Variants in CYB5R4 observed in about 807,000 individuals in gnomAD.
CYB5R4 encodes the protein N-terminal cytochrome b5 and cytochrome b5 oxidoreductase domain-containing protein.
CYB5R4 carries 55 observed loss-of-function variants against 70.2 expected under a neutral mutation model. That is an observed-to-expected ratio of 0.78 (90% CI 0.63 to 0.98). The LOEUF (loss-of-function observed/expected upper bound fraction) is 0.98. Among genes scored for constraint, CYB5R4 ranks in the 50% least tolerant of loss-of-function variants. The pLI is 0.00. For synonymous variants in CYB5R4, 197 were observed against 199.5 expected (o/e 0.99, Z 0.11); for missense variants, 562 against 612.6 (o/e 0.92, Z 0.87).
At chr6:83,869,661 T>C (rs931503922) in intron 2 of CYB5R4, among the ~76,000 whole-genome samples, 4 of 152,122 alleles carry the variant, frequency 2.6e-5, no homozygotes, top group African/African-American at 9.7e-5. Flanking sequence ...AAACTCCAGC[T>C]CTACTAAAAA....
intron 5 of CYB5R4, among the ~76,000 whole-genome samples, chr6:83,915,225 C>T (rs999858757): frequency 6.6e-6 from 1 of 152,184 alleles, no homozygotes; most frequent in African/African-American, 2.4e-5. Context: ...ACATAAAATG[C>T]ATGGTGCTAA....
chr6:83,949,106 G>A (rs1047938230), intron 14 of CYB5R4, among the ~76,000 whole-genome samples: 42 of 146,098 alleles, frequency 2.9e-4, no homozygotes, highest in South Asian at 4.3e-4. Flanking sequence ...GACTCCTGGC[G>A]TTTTGGGCTT....
At position 83,859,772 on chromosome 6, in the gene CYB5R4, G is replaced by T; in HGVS notation, c.-11G>T. 2 of 1,612,642 alleles carry T rather than the reference G, an allele frequency of 1.2e-6. No individual in the cohort carries two copies. The highest frequency in any genetic ancestry group is 1.7e-6 in the Non-Finnish European group (2 of 1,179,552). ...CGATCCCCGGGCAGGGCCCGGGGCCGGGGTTTGAAGATGCTGAACGTCCCT... is the reference window on the plus strand; with the variant it reads ...CGATCCCCGGGCAGGGCCCGGGGCCTGGGTTTGAAGATGCTGAACGTCCCT... On this transcript the variant is annotated 5_prime_UTR_variant, in exon 1 of 16. Transcript: ENST00000369681.
Position 83,910,166 on chromosome 6 carries a change from A to C in CYB5R4, c.412+1076A>C, listed in dbSNP as rs954495336. 8.8e-6 allele frequency: 14 copies of C among 1,587,338 alleles called. No individual in the cohort carries two copies. The East Asian group carries it at 3.2e-4, about 36-fold the overall frequency. On this transcript the variant is annotated intron_variant, in intron 4 of 15. Transcript: ENST00000369681. Reference sequence around the variant, plus strand: ...CAAAGATTTCTTTTACTGTCACAGCACTGTGAGCAAGGACAAGACATCTAT... The same window carrying C: ...CAAAGATTTCTTTTACTGTCACAGCCCTGTGAGCAAGGACAAGACATCTAT...
chr6:83,890,714 A>G (rs1177045040), intron 2 of CYB5R4, among the ~76,000 whole-genome samples: 1 of 152,146 alleles, frequency 6.6e-6, no homozygotes, highest in Non-Finnish European at 1.5e-5. Flanking sequence ...TTTACTGTCA[A>G]CTTATTTTAA....
chr6:83,949,852 A>G (rs908048929), intron 14 of CYB5R4, among the ~76,000 whole-genome samples: 2 of 152,212 alleles, frequency 1.3e-5, no homozygotes, highest in African/African-American at 2.4e-5. Context: ...TAAAACAAAC[A>G]TTAATACCTA....
intron 2 of CYB5R4, among the ~76,000 whole-genome samples, chr6:83,871,514 A>C (rs577630106): frequency 5.3e-4 from 80 of 151,924 alleles, no homozygotes; most frequent in African/African-American, 1.8e-3. Context: ...TTCATTAAAA[A>C]TTTAGTGGAG....
chr6:83,882,711 G>A (rs1000385925), intron 2 of CYB5R4, among the ~76,000 whole-genome samples: 1 of 152,136 alleles, frequency 6.6e-6, no homozygotes, highest in African/African-American at 2.4e-5. Flanking sequence ...ATACAGGCCC[G>A]GCGTGGTGGC....
At chr6:83,867,780 G>A (rs567872047) in intron 2 of CYB5R4, among the ~76,000 whole-genome samples, 12 of 152,312 alleles carry the variant, frequency 7.9e-5, no homozygotes, top group South Asian at 2.1e-4. Context: ...ACATAACCTC[G>A]CACATTATGT....
intron 14 of CYB5R4, among the ~76,000 whole-genome samples, chr6:83,947,847 C>A (rs530823737): frequency 2.6e-5 from 4 of 151,874 alleles, no homozygotes; most frequent in African/African-American, 9.7e-5. Flanking sequence ...ATTAGGATGG[C>A]GATCATTTAA....
intron 10 of CYB5R4, among the ~76,000 whole-genome samples, chr6:83,929,985 T>A (rs2099467917): frequency 6.6e-6 from 1 of 152,128 alleles, no homozygotes; most frequent in Admixed American, 6.6e-5. Flanking sequence ...AGTCACACAA[T>A]TTTTTTGGTT....
At chr6:83,879,012 C>G (rs929386380) in intron 2 of CYB5R4, among the ~76,000 whole-genome samples, 4 of 152,096 alleles carry the variant, frequency 2.6e-5, no homozygotes, top group Non-Finnish European at 5.9e-5. Flanking sequence ...AGTGCTGTTA[C>G]TTATTACTTG....
intron 2 of CYB5R4, among the ~76,000 whole-genome samples, chr6:83,865,350 T>A (rs530939643): frequency 6.6e-6 from 1 of 152,286 alleles, no homozygotes; most frequent in South Asian, 2.1e-4. Context: ...ACAAACTAGA[T>A]GGCTTAAACA....
chr6:83,943,097 A>T (rs1350026091), intron 14 of CYB5R4, among the ~76,000 whole-genome samples: 1 of 152,138 alleles, frequency 6.6e-6, no homozygotes, highest in Non-Finnish European at 1.5e-5. Flanking sequence ...CTCCCAGCAC[A>T]GTGCTCGAGC....
chr6:83,921,357 G>A (rs1347208577), intron 8 of CYB5R4, among the ~76,000 whole-genome samples, 182 bp downstream of exon 8: 4 of 152,164 alleles, frequency 2.6e-5, no homozygotes, highest in Non-Finnish European at 5.9e-5. Context: ...AAGTGGCGGT[G>A]TGACCTCACC....
At chr6:83,886,158 T>A (rs1411365163) in intron 2 of CYB5R4, among the ~76,000 whole-genome samples, 1 of 152,186 alleles carries the variant, frequency 6.6e-6, no homozygotes, top group Admixed American at 6.5e-5. Flanking sequence ...GTATAGGGCA[T>A]CCCATGGTAA....
At chr6:83,899,176 CAT>C (rs1554417648) in intron 3 of CYB5R4, among the ~76,000 whole-genome samples, 3 of 152,064 alleles carry the variant, frequency 2.0e-5, no homozygotes, top group East Asian at 1.9e-4. Flanking sequence ...TAGCATGAAG[CAT>C]TGTTGAATTT....
At chr6:83,915,028 C>G (rs1215970141) in intron 5 of CYB5R4, among the ~76,000 whole-genome samples, 3 of 152,088 alleles carry the variant, frequency 2.0e-5, no homozygotes, top group Admixed American at 2.0e-4. Context: ...TCCTCAGAAA[C>G]AAGACAAAAT....
intron 15 of CYB5R4, among the ~76,000 whole-genome samples, chr6:83,955,959 G>A (rs1433232858): frequency 6.6e-6 from 1 of 152,184 alleles, no homozygotes; most frequent in Admixed American, 6.5e-5. Flanking sequence ...CATGGATCAT[G>A]AAAAATCAGT....
Sources: allele counts gnomAD v4.1 joint callset (sites outside exome capture counted in the v4.1 genomes callset), GRCh38; gene constraint gnomAD v4.1.1; transcripts MANE v1.5; gene names NCBI Gene and HGNC (gene_info 2026-07-23, HGNC 2026-07-21).